ROR1: variants seen among roughly 807,000 people sequenced by gnomAD.
ROR1 encodes the protein inactive tyrosine-protein kinase transmembrane receptor ROR1.
In ROR1, 19 loss-of-function variants were observed where a neutral mutation model predicts 78.8. The ratio of observed to expected loss-of-function variants is 0.24; its 90% CI spans 0.17 to 0.35. The LOEUF (loss-of-function observed/expected upper bound fraction) is 0.35, where lower values mean the gene tolerates loss of function less well. Ranked by LOEUF, ROR1 falls within the 10% of genes least tolerant of loss-of-function variation. ROR1 has a pLI of 1.00. For synonymous variants in ROR1, 386 were observed against 433.6 expected (o/e 0.89, Z 1.36); for missense variants, 917 against 1,177.8 (o/e 0.78, Z 3.24).
At chr1:63,961,070 T>G (rs1011547919) in intron 1 of ROR1, among the ~76,000 whole-genome samples, 2 of 152,182 alleles carry the variant, frequency 1.3e-5, no homozygotes, top group African/African-American at 4.8e-5. Flanking sequence ...TTTTTCTTTC[T>G]CTTTTTCCCT....
intron 1 of ROR1, among the ~76,000 whole-genome samples, chr1:63,946,602 A>G (rs756995101): frequency 7.2e-5 from 11 of 152,226 alleles, no homozygotes; most frequent in Admixed American, 1.3e-4. Context: ...TTGAAGAAAG[A>G]TATAATTTCC....
chr1:63,959,329 G>A (rs978321723), intron 1 of ROR1, among the ~76,000 whole-genome samples: 1 of 152,090 alleles, frequency 6.6e-6, no homozygotes, highest in African/African-American at 2.4e-5. Context: ...GATAAGATTT[G>A]GGTGGGGACA....
chr1:63,820,854 A>C (rs971555302), intron 1 of ROR1, among the ~76,000 whole-genome samples: 1 of 152,130 alleles, frequency 6.6e-6, no homozygotes, highest in Non-Finnish European at 1.5e-5. Context: ...AGGAATGGAG[A>C]AGTTCAATAA....
intron 2 of ROR1, among the ~76,000 whole-genome samples, chr1:64,024,417 G>A (rs762422009): frequency 4.1e-4 from 62 of 152,134 alleles, no homozygotes; most frequent in Non-Finnish European, 7.3e-4. Flanking sequence ...GGAGACGGAG[G>A]TTGCAGTGAG....
In ROR1 at chr1:64,000,317, C is replaced by G. The variant is rs1331645000; in HGVS notation, c.92-8988C>G. Among the ~76,000 whole-genome samples, 3 of 152,270 alleles carry G rather than the reference C, an allele frequency of 2.0e-5. No individual in the cohort carries two copies. In the East Asian group the frequency reaches 5.8e-4, roughly 29 times the overall value. On this transcript the variant is annotated intron_variant, in intron 1 of 8. Transcript: ENST00000371079. ...TAGGGAGCTGAGACCAGTTTCTGAG[C>G]GAAGCATTCTGCAGCATGCCTCCTC... is the stretch of plus-strand genomic sequence containing the variant.
chr1:64,136,667 T>C (rs527822190), intron 4 of ROR1, among the ~76,000 whole-genome samples: 5 of 152,192 alleles, frequency 3.3e-5, no homozygotes, highest in Non-Finnish European at 4.4e-5. Flanking sequence ...TACCCCTCCT[T>C]ATAAAAAAAG....
intron 1 of ROR1, among the ~76,000 whole-genome samples, chr1:63,891,802 G>C (rs1250441416): frequency 1.3e-5 from 2 of 151,956 alleles, no homozygotes; most frequent in Non-Finnish European, 2.9e-5. Context: ...TTGGACGCTG[G>C]GACTTACACC....
intron 1 of ROR1, among the ~76,000 whole-genome samples, chr1:63,889,566 T>C (rs1447742467): frequency 1.3e-5 from 2 of 151,842 alleles, no homozygotes; most frequent in African/African-American, 2.4e-5. Flanking sequence ...TATTCTAGCA[T>C]GTTTCTGAGG....
intron 4 of ROR1, among the ~76,000 whole-genome samples, chr1:64,086,163 C>G (rs957795201): frequency 6.6e-6 from 1 of 152,182 alleles, no homozygotes; most frequent in African/African-American, 2.4e-5. Flanking sequence ...TGGATCAGTT[C>G]CTTTCACACA....
chr1:64,061,691 G>A (rs2100605946), intron 4 of ROR1, among the ~76,000 whole-genome samples: 1 of 152,266 alleles, frequency 6.6e-6, no homozygotes. Flanking sequence ...TTCTTTCTGT[G>A]TAATTTGCTA....
intron 1 of ROR1, among the ~76,000 whole-genome samples, chr1:63,924,932 CTT>C (rs751680204): frequency 2.9e-4 from 25 of 85,040 alleles, no homozygotes; most frequent in East Asian, 7.8e-4. Context: ...AAAGGGGATG[CTT>C]TTTTTTTTTT....
chr1:64,137,207 G>A (rs1649143152), intron 4 of ROR1, among the ~76,000 whole-genome samples, 162 bp from the exon 5 acceptor site: 1 of 152,182 alleles, frequency 6.6e-6, no homozygotes, highest in Non-Finnish European at 1.5e-5. Context: ...ACCAACAGAT[G>A]TTTTAAGAAC....
intron 4 of ROR1, among the ~76,000 whole-genome samples, chr1:64,070,813 G>A (rs189933959): frequency 2.8e-4 from 43 of 152,244 alleles, no homozygotes; most frequent in African/African-American, 1.0e-3. Context: ...CAGGAGAAAT[G>A]GACGATAAAC....
intron 1 of ROR1, among the ~76,000 whole-genome samples, chr1:63,999,041 G>A (rs1425606546): frequency 1.3e-5 from 2 of 152,170 alleles, no homozygotes; most frequent in African/African-American, 2.4e-5. Flanking sequence ...CTCCAGCCAC[G>A]TGGAATTGTG....
At chr1:64,137,815 C>T (rs1429193462) in intron 5 of ROR1, among the ~76,000 whole-genome samples, 1 of 152,160 alleles carries the variant, frequency 6.6e-6, no homozygotes, top group Non-Finnish European at 1.5e-5. Context: ...AAGCCAGGTA[C>T]GTCTCTGCCC....
intron 4 of ROR1, among the ~76,000 whole-genome samples, chr1:64,117,982 C>T (rs935349909): frequency 2.6e-5 from 4 of 152,248 alleles, no homozygotes; most frequent in Non-Finnish European, 4.4e-5. Context: ...GGGGAGATCA[C>T]TTGAGCCCAG....
intron 1 of ROR1, among the ~76,000 whole-genome samples, chr1:63,934,240 TCCCAGTAAGGGCCTGGCTCTGAGCTAGA>T (rs1645776301): frequency 6.6e-6 from 1 of 152,126 alleles, no homozygotes; most frequent in Non-Finnish European, 1.5e-5. Context: ...GCCTTGAGCT[TCCCAGTAAGGGCCTGGCTCTGAGCTAGA>T]CCCCCCTGGT....
rs1464485331 is a variant in ROR1, at chr1:64,049,824, C to T, written c.297C>T (p.Val99=). Residue 99 remains valine (V), a synonymous_variant, in exon 3 of 9, where the codon GTC becomes GTT. Coordinates refer to ENST00000371079, the MANE Select transcript of ROR1 (RefSeq NM_005012.4). ...IRWFKNDAPV[V]QEPRRLSFRS... ...GGTTCAAAAATGATGCTCCTGTGGT[C>T]CAGGAGCCCCGGAGGCTCTCCTTTC... 1.2e-6 allele frequency: 2 copies of T among 1,614,204 alleles called. No individual in the cohort carries two copies. Among genetic ancestry groups the T allele is most frequent in the South Asian group, 1.1e-5 (1 of 91,072 alleles).
chr1:63,976,350 C>T (rs1646160982), intron 1 of ROR1, among the ~76,000 whole-genome samples: 1 of 152,108 alleles, frequency 6.6e-6, no homozygotes, highest in Non-Finnish European at 1.5e-5. Flanking sequence ...TTTCTGCTAC[C>T]CCACAGCCAT....
Sources: gnomAD v4.1 joint callset for allele counts (sites outside exome capture counted in the v4.1 genomes callset) on GRCh38, gnomAD v4.1.1 for gene constraint, MANE v1.5 for transcripts, NCBI Gene and HGNC (gene_info 2026-07-23, HGNC 2026-07-21) for gene names.